Variants in SDK1 observed in about 807,000 individuals in gnomAD.
SDK1 encodes the protein sidekick cell adhesion molecule 1.
Under a neutral mutation model 245.5 loss-of-function variants are expected in SDK1, and 157 were observed. The ratio of observed to expected loss-of-function variants is 0.64; its 90% CI spans 0.56 to 0.73. SDK1 has a LOEUF of 0.73. Among genes scored for constraint, SDK1 ranks in the 30% least tolerant of loss-of-function variants. The pLI is 0.00. For missense variants in SDK1, 3,583 were observed against 3,002.3 expected (o/e 1.19, Z -4.52); for synonymous variants, 1,647 against 1,278.5 (o/e 1.29, Z -6.15).
chr7:3,717,951 A>G (rs1785249270), intron 4 of SDK1, among the ~76,000 whole-genome samples: 1 of 150,048 alleles, frequency 6.7e-6, no homozygotes, highest in African/African-American at 2.5e-5. Flanking sequence ...ACAGCCAAAG[A>G]CAGCATTTAA....
chr7:4,074,637 G>C (rs1780504026), intron 20 of SDK1, among the ~76,000 whole-genome samples: 1 of 151,856 alleles, frequency 6.6e-6, no homozygotes, highest in African/African-American at 2.4e-5. Flanking sequence ...ACGGTGGGAG[G>C]ATCGCTTGAT....
intron 35 of SDK1, among the ~76,000 whole-genome samples, chr7:4,191,737 G>T (rs918066421): frequency 3.3e-5 from 5 of 152,220 alleles, no homozygotes; most frequent in Admixed American, 6.5e-5. Context: ...CCTGTGAGTG[G>T]CAGAGCTCAG....
intron 4 of SDK1, among the ~76,000 whole-genome samples, chr7:3,818,857 A>G (rs1468024720): frequency 6.6e-6 from 1 of 152,174 alleles, no homozygotes; most frequent in African/African-American, 2.4e-5. Flanking sequence ...AACACGTTGG[A>G]CAAAATGATC....
At chr7:3,875,382 G>C (rs1405002851) in intron 5 of SDK1, among the ~76,000 whole-genome samples, 4 of 152,202 alleles carry the variant, frequency 2.6e-5, no homozygotes, top group Non-Finnish European at 4.4e-5. Context: ...TACCTTTTAA[G>C]TCACTCTCAG....
chr7:4,198,145 C>T (rs781648171), intron 35 of SDK1, among the ~76,000 whole-genome samples: 3 of 152,232 alleles, frequency 2.0e-5, no homozygotes, highest in Non-Finnish European at 4.4e-5. Context: ...TAGGGCCTCT[C>T]ATGTCACGTC....
intron 5 of SDK1, among the ~76,000 whole-genome samples, chr7:3,896,570 C>T (rs776586392): frequency 1.5e-4 from 23 of 152,208 alleles, no homozygotes; most frequent in Non-Finnish European, 2.9e-4. Context: ...ACTCAGCAAG[C>T]CCACTGGGAT....
intron 4 of SDK1, among the ~76,000 whole-genome samples, chr7:3,800,761 A>T (rs1456578194): frequency 6.6e-6 from 1 of 152,048 alleles, no homozygotes; most frequent in Non-Finnish European, 1.5e-5. Context: ...ACTCCTAAAT[A>T]TACACACACC....
At chr7:3,513,992 C>G (rs923058579) in intron 1 of SDK1, among the ~76,000 whole-genome samples, 2 of 152,158 alleles carry the variant, frequency 1.3e-5, no homozygotes, top group African/African-American at 4.8e-5. Context: ...TGTAATATTC[C>G]ATGGTGTGTT....
chr7:3,557,466 CA>C (rs1278311509), intron 1 of SDK1, among the ~76,000 whole-genome samples: 2 of 152,136 alleles, frequency 1.3e-5, no homozygotes, highest in Non-Finnish European at 1.5e-5. Context: ...AGAGCAAGAC[CA>C]GGGGTCCTGA....
chr7:3,566,759 A>C (rs566370402), intron 1 of SDK1, among the ~76,000 whole-genome samples: 1 of 152,284 alleles, frequency 6.6e-6, no homozygotes, highest in African/African-American at 2.4e-5. Flanking sequence ...CCAAGGAGAA[A>C]AATAAGAGAT....
intron 27 of SDK1, 134 bp downstream of exon 27, chr7:4,130,231 CAA>C: frequency 1.9e-6 from 2 of 1,062,654 alleles, no homozygotes; most frequent in Non-Finnish European, 2.6e-6. Context: ...GGAAACAAAA[CAA>C]AATTGTTTTT....
rs1307096848 is a variant in SDK1, at chr7:3,894,137, G to C, written c.848-56786G>C. Among the ~76,000 whole-genome samples the C allele has an allele frequency of 2.0e-5, 3 of 152,298 alleles. No individual in the cohort carries two copies. The East Asian group carries it at 5.8e-4, about 29-fold the overall frequency. On this transcript the variant is annotated intron_variant, in intron 5 of 44. Coordinates refer to ENST00000404826, the MANE Select transcript of SDK1 (RefSeq NM_152744.4). ...CTTTTCATGCATTTCCATCGTTGCA[G>C]TTGGACCAGTTTTAAAATATATATA...
At chr7:3,671,328 C>G (rs868050711) in intron 4 of SDK1, among the ~76,000 whole-genome samples, 13 of 152,168 alleles carry the variant, frequency 8.5e-5, no homozygotes, top group Non-Finnish European at 1.5e-4. Context: ...TTGTGTGAGT[C>G]TAGCCCATCA....
At chr7:3,766,327 G>T (rs929725502) in intron 4 of SDK1, among the ~76,000 whole-genome samples, 1 of 152,116 alleles carries the variant, frequency 6.6e-6, no homozygotes, top group Non-Finnish European at 1.5e-5. Flanking sequence ...TGATCCAAAC[G>T]TTATTAATTG....
Position 4,114,156 on chromosome 7 carries a change from A to G in SDK1, c.3705A>G (p.Arg1235=), listed in dbSNP as rs1783539744. The G allele has an allele frequency of 6.2e-7, 1 of 1,614,118 alleles. No homozygotes were observed. The highest frequency in any genetic ancestry group is 1.7e-5 in the Admixed American group (1 of 60,012). Reference sequence around the variant, plus strand: ...AAGTCGTCAGTGACCGGCTGGAGAGAGAATTCACCATCGAGGAGCTGGAGG... The same window carrying G: ...AAGTCGTCAGTGACCGGCTGGAGAGGGAATTCACCATCGAGGAGCTGGAGG... ...VAQVVSDRLE[R]EFTIEELEEW... The change falls in exon 25 of 45, where the codon AGA becomes AGG. Residue 1235 remains arginine (R), a synonymous_variant. Transcript: ENST00000404826.
intron 5 of SDK1, among the ~76,000 whole-genome samples, chr7:3,863,870 G>A (rs371338358): frequency 2.0e-5 from 3 of 152,192 alleles, no homozygotes; most frequent in African/African-American, 7.2e-5. Flanking sequence ...CCTTTTGGCT[G>A]TTGTGAATCT....
At chr7:3,883,693 G>A (rs934312630) in intron 5 of SDK1, among the ~76,000 whole-genome samples, 1 of 144,252 alleles carries the variant, frequency 6.9e-6, no homozygotes, top group African/African-American at 2.8e-5. Flanking sequence ...TCGCTCCCTC[G>A]CTCCCTCCCT....
At chr7:3,456,423 G>C (rs1055954176) in intron 1 of SDK1, among the ~76,000 whole-genome samples, 5 of 152,094 alleles carry the variant, frequency 3.3e-5, no homozygotes, top group African/African-American at 4.8e-5. Context: ...TTTTCTCTCT[G>C]TTGTTGCTGG....
chr7:3,659,269 T>G lies in SDK1; in HGVS notation c.713+17164T>G, dbSNP rs115129847. Among the ~76,000 whole-genome samples the G allele has an allele frequency of 7.5e-3, 1,148 of 152,214 alleles. 14 individuals carry two copies. The highest frequency in any genetic ancestry group is 0.026 in the African/African-American group (1,083 of 41,520). ...GCTTCCTGAATGTCAGCTGCCCTGG[T>G]CGGTACTGGTATGATATCACATAGG... On this transcript the variant is annotated intron_variant, in intron 4 of 44. Coordinates refer to ENST00000404826, the MANE Select transcript of SDK1 (RefSeq NM_152744.4).
Sources: allele counts gnomAD v4.1 joint callset (sites outside exome capture counted in the v4.1 genomes callset), GRCh38; gene constraint gnomAD v4.1.1; transcripts MANE v1.5; gene names NCBI Gene and HGNC (gene_info 2026-07-23, HGNC 2026-07-21).